The following GPC6 variants were observed in gnomAD, a reference collection of about 807,000 sequenced individuals.
GPC6 encodes the protein glypican-6.
A neutral mutation model predicts 55.2 loss-of-function variants in GPC6; 14 were observed. That is an observed-to-expected ratio of 0.25 (90% CI 0.17 to 0.40). The LOEUF (loss-of-function observed/expected upper bound fraction) is 0.40, where lower values mean the gene tolerates loss of function less well. Among genes scored for constraint, GPC6 ranks in the 10% least tolerant of loss-of-function variants. The pLI, the probability that GPC6 is intolerant of heterozygous loss-of-function variation, is 1.00. For missense variants in GPC6, 641 were observed against 708.5 expected, an observed-to-expected ratio of 0.90 and a Z score of 1.08; for synonymous variants, 278 against 259.6, an observed-to-expected ratio of 1.07 and a Z score of -0.68.
chr13:93,678,580 T>C (rs938088549), intron 2 of GPC6, among the ~76,000 whole-genome samples: 1 of 152,154 alleles, frequency 6.6e-6, no homozygotes, highest in Non-Finnish European at 1.5e-5. Flanking sequence ...AATTGTGCAA[T>C]ATAAAGTAGA....
intron 2 of GPC6, among the ~76,000 whole-genome samples, chr13:93,612,567 T>C (rs1878528508): frequency 6.7e-6 from 1 of 149,430 alleles, no homozygotes. Flanking sequence ...ATTTGTGCAG[T>C]TTTGGTTAGA....
intron 1 of GPC6, among the ~76,000 whole-genome samples, chr13:93,473,887 T>C (rs1879213838): frequency 6.6e-6 from 1 of 152,132 alleles, no homozygotes; most frequent in Admixed American, 6.5e-5. Context: ...CCCACCTGGC[T>C]ATGTGAAGGT....
intron 4 of GPC6, among the ~76,000 whole-genome samples, chr13:94,121,858 G>A (rs1172232019): frequency 6.6e-6 from 1 of 152,092 alleles, no homozygotes; most frequent in Non-Finnish European, 1.5e-5. Flanking sequence ...TTCACACTCA[G>A]TAATACAGGA....
At chr13:93,378,339 G>A (rs1427704831) in intron 1 of GPC6, among the ~76,000 whole-genome samples, 2 of 152,150 alleles carry the variant, frequency 1.3e-5, no homozygotes, top group African/African-American at 4.8e-5. Flanking sequence ...TTTGCTCCCT[G>A]CGTTTCTTCT....
intron 2 of GPC6, among the ~76,000 whole-genome samples, chr13:93,812,632 T>C (rs757453486): frequency 5.9e-5 from 9 of 152,178 alleles, no homozygotes; most frequent in Non-Finnish European, 1.0e-4. Flanking sequence ...TTGACTGATA[T>C]CCTGAGAAAA....
At chr13:93,295,127 A>T (rs1417487815) in intron 1 of GPC6, among the ~76,000 whole-genome samples, 1 of 149,194 alleles carries the variant, frequency 6.7e-6, no homozygotes, top group Non-Finnish European at 1.5e-5. Context: ...AAAAAAAAAA[A>T]AAAAAATACA....
chr13:93,587,873 T>C (rs1053464147), intron 2 of GPC6, among the ~76,000 whole-genome samples: 2 of 152,200 alleles, frequency 1.3e-5, no homozygotes, highest in African/African-American at 2.4e-5. Flanking sequence ...AAATTTAAAA[T>C]TGGTGCAAGG....
intron 1 of GPC6, among the ~76,000 whole-genome samples, chr13:93,239,996 G>A (rs897648183): frequency 2.0e-5 from 3 of 152,072 alleles, no homozygotes. Flanking sequence ...CTGAGAAGAT[G>A]CCTGATATGA....
chr13:93,719,748 G>T (rs1347905904), intron 2 of GPC6, among the ~76,000 whole-genome samples: 2 of 151,988 alleles, frequency 1.3e-5, no homozygotes, highest in Non-Finnish European at 2.9e-5. Flanking sequence ...ATTATTTTGA[G>T]ATACGATCCA....
intron 1 of GPC6, among the ~76,000 whole-genome samples, chr13:93,459,687 T>C (rs1878607448): frequency 6.6e-6 from 1 of 152,190 alleles, no homozygotes; most frequent in South Asian, 2.1e-4. Context: ...TGTCATTTTT[T>C]GGAGATTTTG....
intron 4 of GPC6, among the ~76,000 whole-genome samples, chr13:94,050,852 A>T (rs1455074326): frequency 6.6e-6 from 1 of 152,156 alleles, no homozygotes; most frequent in Admixed American, 6.6e-5. Context: ...CCACTCCTTC[A>T]GTGCCTACCA....
rs530045579 is a variant in GPC6, at chr13:94,238,228, C to T, written c.878-48121C>T. Among the ~76,000 whole-genome samples the T allele has an allele frequency of 1.2e-4, 18 of 151,988 alleles. No individual in the cohort carries two copies. In the East Asian group the frequency reaches 2.9e-3, roughly 25 times the overall value. On this transcript the variant is annotated intron_variant, in intron 4 of 8. Transcript: ENST00000377047. ...GCATTGGATAAATAGTTCTGGAGTT[C>T]GAGGAGAGATCACAAGTAGAAATCT...
chr13:93,848,844 A>G (rs776948354), intron 3 of GPC6, among the ~76,000 whole-genome samples: 1 of 151,836 alleles, frequency 6.6e-6, no homozygotes, highest in Non-Finnish European at 1.5e-5. Context: ...CACTTTCCTT[A>G]CTCATTGTGC....
At chr13:94,352,265 T>C (rs72647633) in intron 6 of GPC6, among the ~76,000 whole-genome samples, 434 of 152,186 alleles carry the variant, frequency 2.9e-3, no homozygotes, top group Middle Eastern at 0.01. Flanking sequence ...GACTGGGCTC[T>C]CTTCCAGGAT....
At chr13:93,813,480 G>A (rs1358064065) in intron 2 of GPC6, among the ~76,000 whole-genome samples, 2 of 152,068 alleles carry the variant, frequency 1.3e-5, no homozygotes, top group Admixed American at 1.3e-4. Flanking sequence ...TTTTCCAGCT[G>A]CGATATTGAA....
At chr13:94,122,848 G>A (rs1886683850) in intron 4 of GPC6, among the ~76,000 whole-genome samples, 1 of 151,926 alleles carries the variant, frequency 6.6e-6, no homozygotes, top group African/African-American at 2.4e-5. Context: ...CTCACTTTGT[G>A]TGTTTTTGAC....
intron 4 of GPC6, among the ~76,000 whole-genome samples, chr13:94,229,353 G>C (rs1429965104): frequency 6.6e-6 from 1 of 152,112 alleles, no homozygotes; most frequent in Non-Finnish European, 1.5e-5. Flanking sequence ...GGAGGGCCTG[G>C]TTATCAACGG....
intron 4 of GPC6, among the ~76,000 whole-genome samples, chr13:94,046,666 G>T (rs1883742908): frequency 6.6e-6 from 1 of 152,024 alleles, no homozygotes; most frequent in South Asian, 2.1e-4. Context: ...TATCCCTGGA[G>T]TCATCTCATT....
At chr13:93,441,014 G>A (rs1470646551) in intron 1 of GPC6, among the ~76,000 whole-genome samples, 1 of 152,154 alleles carries the variant, frequency 6.6e-6, no homozygotes, top group Non-Finnish European at 1.5e-5. Context: ...TCCCTACAAA[G>A]GACATGAACT....
Sources: gnomAD v4.1 joint callset for allele counts (sites outside exome capture counted in the v4.1 genomes callset) on GRCh38, gnomAD v4.1.1 for gene constraint, MANE v1.5 for transcripts, NCBI Gene and HGNC (gene_info 2026-07-23, HGNC 2026-07-21) for gene names.